Variants in EEFSEC observed in about 807,000 individuals in gnomAD.
EEFSEC encodes selenocysteine-specific elongation factor.
In EEFSEC, 43 loss-of-function variants were observed where a neutral mutation model predicts 42.1. The observed-to-expected ratio is 1.02, with a 90% CI of 0.80 to 1.32. EEFSEC has a LOEUF of 1.32. Among genes scored for constraint, EEFSEC ranks in the 40% most tolerant of loss-of-function variants. The pLI is 0.00. For synonymous variants in EEFSEC, 354 were observed against 339.1 expected, an observed-to-expected ratio of 1.04 and a Z score of -0.48; for missense variants, 745 against 803.6, an observed-to-expected ratio of 0.93 and a Z score of 0.88.
chr3:128,319,991 C>T (rs12486156), intron 4 of EEFSEC, among the ~76,000 whole-genome samples: 20,556 of 152,270 alleles, frequency 0.13, 1,689 homozygotes, highest in South Asian at 0.25. Flanking sequence ...TGTCTGGCTT[C>T]AATAGGGGCA....
chr3:128,316,459 G>A (rs982969739), intron 4 of EEFSEC, among the ~76,000 whole-genome samples: 22 of 152,262 alleles, frequency 1.4e-4, no homozygotes, highest in African/African-American at 5.1e-4. Context: ...ACTGCATCCT[G>A]GTCCACAGAA....
chr3:128,240,191 C>T (rs983313285), intron 1 of EEFSEC, among the ~76,000 whole-genome samples: 1 of 152,186 alleles, frequency 6.6e-6, no homozygotes, highest in East Asian at 1.9e-4. Context: ...CTTGTGTTTG[C>T]CTGGGGTCTG....
chr3:128,306,947 G>A lies in EEFSEC; in HGVS notation c.787-34286G>A, dbSNP rs1179806057. Among the ~76,000 whole-genome samples, 3 of 152,228 alleles carry A rather than the reference G, an allele frequency of 2.0e-5. No homozygotes were observed. The East Asian group carries it at 5.8e-4, about 29-fold the overall frequency. The stretch of plus-strand genomic sequence containing the variant: ...TGGGTGAAACCCCAGGTCACCCTGC[G>A]TGAAATGGTTCCTAGCTTTTAAGAC... On this transcript the variant is annotated intron_variant, in intron 4 of 6. Transcript: ENST00000254730.
chr3:128,236,561 T>G (rs112772484), intron 1 of EEFSEC, among the ~76,000 whole-genome samples: 1 of 138,672 alleles, frequency 7.2e-6, no homozygotes, highest in Non-Finnish European at 1.6e-5. Flanking sequence ...AGAATTTCAG[T>G]GTACAGTGGT....
intron 1 of EEFSEC, among the ~76,000 whole-genome samples, chr3:128,218,263 C>G (rs1478740010): frequency 1.3e-5 from 2 of 152,156 alleles, no homozygotes; most frequent in African/African-American, 4.8e-5. Flanking sequence ...GGCTCTGGCC[C>G]CTTCACAGAC....
chr3:128,182,691 G>C (rs576582430), intron 1 of EEFSEC, among the ~76,000 whole-genome samples: 1 of 152,320 alleles, frequency 6.6e-6, no homozygotes, highest in South Asian at 2.1e-4. Context: ...ATGTCACAGG[G>C]TCAGTTCCTA....
intron 5 of EEFSEC, among the ~76,000 whole-genome samples, chr3:128,350,844 C>T (rs1032565846): frequency 3.9e-5 from 6 of 152,172 alleles, no homozygotes; most frequent in African/African-American, 1.4e-4. Flanking sequence ...TTCAGGGCCT[C>T]TGCTCTTCCC....
chr3:128,272,719 G>A (rs1440004023), intron 4 of EEFSEC, among the ~76,000 whole-genome samples: 2 of 152,208 alleles, frequency 1.3e-5, no homozygotes, highest in Non-Finnish European at 2.9e-5. Flanking sequence ...TGGCCTGGTT[G>A]GACGGGAGCT....
chr3:128,421,838 C>G, the EEFSEC span, among the ~76,000 whole-genome samples: 44 of 152,318 alleles, frequency 2.9e-4, no homozygotes, highest in Non-Finnish European at 2.6e-4. Context: ...GGTCTCAGCC[C>G]CGGTTACCCT....
intron 4 of EEFSEC, among the ~76,000 whole-genome samples, chr3:128,325,920 G>A (rs1287415698): frequency 6.6e-6 from 1 of 152,152 alleles, no homozygotes; most frequent in Non-Finnish European, 1.5e-5. Context: ...TCCTAAATAA[G>A]GTGAATATTT....
chr3:128,264,618 T>A lies in EEFSEC; in HGVS notation c.623T>A (p.Leu208His), dbSNP rs1392136678. 1.2e-6 allele frequency: 2 copies of A among 1,613,632 alleles called. No homozygotes were observed. Among genetic ancestry groups the A allele is most frequent in the Non-Finnish European group, 1.7e-6 (2 of 1,179,820 alleles). Residue 208 changes from leucine to histidine, a missense_variant and splice_region_variant, in exon 4 of 7, where the codon CTC becomes CAC. Transcript: ENST00000254730. ...APQGIPELIE[L>H]LTSQISIPTR... ...GTGGCACCAGTTTCTCTTTTCTAGC[T>A]CCTGACGTCCCAGATTTCCATCCCA...
In EEFSEC at chr3:128,408,275, C is replaced by A; in HGVS notation, c.*16C>A. On this transcript the variant is annotated 3_prime_UTR_variant, in exon 7 of 7. Coordinates refer to ENST00000254730, the MANE Select transcript of EEFSEC (RefSeq NM_021937.5). ...GTCTCCCTGAGTGTCCGGTGACCTCCCCCAGGGCCTCCTTGCCCAGCCCAG... is the reference window on the plus strand; with the variant it reads ...GTCTCCCTGAGTGTCCGGTGACCTCACCCAGGGCCTCCTTGCCCAGCCCAG... 2 of 1,543,750 alleles carry A rather than the reference C, an allele frequency of 1.3e-6. No individual in the cohort carries two copies. Among genetic ancestry groups the A allele is most frequent in the South Asian group, 1.2e-5 (1 of 81,038 alleles).
At chr3:128,416,689 G>A in the EEFSEC span, among the ~76,000 whole-genome samples, 3 of 152,088 alleles carry the variant, frequency 2.0e-5, no homozygotes, top group African/African-American at 7.2e-5. Flanking sequence ...GAGACATTGG[G>A]GCTCTCTCTT....
At position 128,257,835 on chromosome 3, in the gene EEFSEC, T is replaced by TC. The variant is rs200262480; in HGVS notation, c.525-4285dup. Among the ~76,000 whole-genome samples, 618 of 151,380 alleles carry TC rather than the reference T, an allele frequency of 4.1e-3. 4 individuals carry two copies. Among genetic ancestry groups the TC allele is most frequent in the Middle Eastern group, 0.017 (5 of 294 alleles). ...AGCGTGGCCTGTGCGCGTCAAGCTG[T>TC]CCCCCCCCAGCATGGAGGTTTGGCA... On this transcript the variant is annotated intron_variant, in intron 2 of 6. Coordinates refer to ENST00000254730, the MANE Select transcript of EEFSEC (RefSeq NM_021937.5).
chr3:128,168,060 G>T (rs1023622341), intron 1 of EEFSEC, among the ~76,000 whole-genome samples: 2 of 152,166 alleles, frequency 1.3e-5, no homozygotes, highest in Non-Finnish European at 2.9e-5. Context: ...TTTTCACTTT[G>T]CTACTGGAGT....
intron 4 of EEFSEC, among the ~76,000 whole-genome samples, chr3:128,289,387 T>C (rs1325764005): frequency 1.3e-5 from 2 of 152,202 alleles, no homozygotes; most frequent in Non-Finnish European, 2.9e-5. Context: ...TCTAGAGCCA[T>C]ATCACAAATT....
At chr3:128,267,669 G>C (rs1057414797) in intron 4 of EEFSEC, among the ~76,000 whole-genome samples, 9 of 152,218 alleles carry the variant, frequency 5.9e-5, no homozygotes, top group Non-Finnish European at 1.0e-4. Flanking sequence ...AGGATGTTAA[G>C]ATTAGGAAAT....
rs574707354 is a variant in EEFSEC at position 128,211,009 on chromosome 3, G to C, written c.317-35827G>C. Among the ~76,000 whole-genome samples, 4 of 152,388 alleles carry C rather than the reference G, an allele frequency of 2.6e-5. No individual in the cohort carries two copies. The South Asian group carries it at 8.3e-4, about 32-fold the overall frequency. On this transcript the variant is annotated intron_variant, in intron 1 of 6. Coordinates refer to ENST00000254730, the MANE Select transcript of EEFSEC (RefSeq NM_021937.5). Reference sequence around the variant, plus strand: ...TGGGAAAGCCAGAGCTTGGTGGTCAGACATCCTCTGTCGCTTACTGGCTGT... The same window carrying C: ...TGGGAAAGCCAGAGCTTGGTGGTCACACATCCTCTGTCGCTTACTGGCTGT...
At chr3:128,163,830 C>G (rs983442558) in intron 1 of EEFSEC, among the ~76,000 whole-genome samples, 1 of 151,890 alleles carries the variant, frequency 6.6e-6, no homozygotes, top group Non-Finnish European at 1.5e-5. Flanking sequence ...TTTGCTTGGC[C>G]TCCTATGTTG....
Sources: gnomAD v4.1 joint callset for allele counts (sites outside exome capture counted in the v4.1 genomes callset) on GRCh38, gnomAD v4.1.1 for gene constraint, MANE v1.5 for transcripts, NCBI Gene and HGNC (gene_info 2026-07-23, HGNC 2026-07-21) for gene names.